The following VRK2 variants were observed in gnomAD, a reference collection of about 807,000 sequenced individuals.
The protein encoded by VRK2 is VRK serine/threonine kinase 2.
A neutral mutation model predicts 57.6 loss-of-function variants in VRK2; 60 were observed. That is an observed-to-expected ratio of 1.04 (90% CI 0.85 to 1.29). VRK2 has a LOEUF of 1.29. Among genes scored for constraint, VRK2 ranks in the 50% most tolerant of loss-of-function variants. The probability of loss-of-function intolerance (pLI) is 0.00; values close to 1 mark genes in which losing one functional copy is unlikely to be tolerated. For missense variants in VRK2, 705 were observed against 588.1 expected (o/e 1.20, Z -2.06); for synonymous variants, 231 against 199.2 (o/e 1.16, Z -1.35).
intron 2 of VRK2, chr2:58,058,454 A>C: frequency 2.1e-6 from 1 of 469,988 alleles, no homozygotes; most frequent in South Asian, 1.6e-5. Flanking sequence ...GACATGTGTG[A>C]AAGAGGCGCA....
intron 1 of VRK2, among the ~76,000 whole-genome samples, chr2:58,004,140 T>G (rs1303472514): frequency 9.9e-5 from 15 of 152,008 alleles, no homozygotes; most frequent in Non-Finnish European, 2.2e-4. Flanking sequence ...CTCTTGCTCT[T>G]TTTTCTCTTT....
At position 58,116,455 on chromosome 2, in the gene VRK2, G is replaced by A. The variant is rs568132191; in HGVS notation, c.544-6646G>A. ...GAGTGCTTAAAAGAGTATTGTCTAA[G>A]TTGGCACCAGAGTTGGGGAGTTTTA... On this transcript the variant is annotated intron_variant, in intron 7 of 12. Transcript: ENST00000340157. Among the ~76,000 whole-genome samples the A allele has an allele frequency of 1.2e-3, 175 of 152,166 alleles. 2 individuals are homozygous for A. The highest frequency in any genetic ancestry group is 3.9e-3 in the African/African-American group (160 of 41,434).
At chr2:57,974,395 A>G (rs1313867208) in intron 1 of VRK2, among the ~76,000 whole-genome samples, 4 of 152,092 alleles carry the variant, frequency 2.6e-5, no homozygotes, top group Admixed American at 2.0e-4. Flanking sequence ...ACACTTTTAA[A>G]GTATATATGG....
At chr2:58,030,358 T>A (rs1250771140) in intron 2 of VRK2, among the ~76,000 whole-genome samples, 1 of 152,090 alleles carries the variant, frequency 6.6e-6, no homozygotes, top group African/African-American at 2.4e-5. Flanking sequence ...CTGCCTAGAT[T>A]TTCTTCTAGG....
intron 7 of VRK2, among the ~76,000 whole-genome samples, chr2:58,112,012 AGG>A (rs762698849): frequency 9.9e-5 from 15 of 152,220 alleles, no homozygotes; most frequent in Admixed American, 4.6e-4. Flanking sequence ...GTATAAAAAT[AGG>A]ACCTAGACTG....
At chr2:57,958,620 T>C (rs1042561614) in intron 1 of VRK2, among the ~76,000 whole-genome samples, 1 of 152,152 alleles carries the variant, frequency 6.6e-6, no homozygotes, top group Non-Finnish European at 1.5e-5. Context: ...TTATTTGATA[T>C]TTGAGTACAT....
intron 1 of VRK2, among the ~76,000 whole-genome samples, chr2:58,013,874 A>AG (rs1553375828): frequency 6.6e-6 from 1 of 151,560 alleles, no homozygotes; most frequent in Admixed American, 6.6e-5. Context: ...AAAAAAAAAA[A>AG]AAAAAAAAGA....
At chr2:58,001,162 C>T (rs914863670) in intron 1 of VRK2, among the ~76,000 whole-genome samples, 1 of 152,086 alleles carries the variant, frequency 6.6e-6, no homozygotes, top group African/African-American at 2.4e-5. Context: ...GTAGGATAAA[C>T]CGAACTATTT....
In VRK2 at chr2:58,131,713, TTC is replaced by T; in HGVS notation, c.677-94_677-93del. The T allele has an allele frequency of 2.1e-6, 3 of 1,406,394 alleles. No homozygotes were observed. In the South Asian group the frequency reaches 4.9e-5, roughly 23 times the overall value. 87.1% of individuals were successfully genotyped at this position (1,406,394 alleles called of 1,614,324 possible). ...TAAAACATTTTGCCTATTTGGCTTT[TTC>T]ATATTTCATCAGTAGTAGTTCAACC... On this transcript the variant is annotated intron_variant, in intron 8 of 12. Transcript: ENST00000340157.
intron 1 of VRK2, among the ~76,000 whole-genome samples, chr2:57,948,733 C>A (rs1671335917): frequency 6.6e-6 from 1 of 151,820 alleles, no homozygotes; most frequent in South Asian, 2.1e-4. Context: ...AGGTGAGGAT[C>A]AAAGAGAAGT....
At chr2:58,130,766 A>G (rs1236403457) in intron 8 of VRK2, among the ~76,000 whole-genome samples, 1 of 152,222 alleles carries the variant, frequency 6.6e-6, no homozygotes, top group African/African-American at 2.4e-5. Flanking sequence ...ATCCCTACAC[A>G]GATGAACATT....
At chr2:57,977,140 G>T (rs1367354075) in intron 1 of VRK2, among the ~76,000 whole-genome samples, 1 of 152,112 alleles carries the variant, frequency 6.6e-6, no homozygotes, top group East Asian at 1.9e-4. Flanking sequence ...TTGAAGTCAG[G>T]TAGTGTGATG....
At chr2:58,050,096 A>T (rs1024212642) in intron 2 of VRK2, among the ~76,000 whole-genome samples, 2 of 152,352 alleles carry the variant, frequency 1.3e-5, no homozygotes, top group East Asian at 1.9e-4. Context: ...ACTGTTCAAT[A>T]GAAATGTAAT....
chr2:57,916,468 A>C (rs1044309228), intron 1 of VRK2, among the ~76,000 whole-genome samples: 1 of 151,810 alleles, frequency 6.6e-6, no homozygotes, highest in Non-Finnish European at 1.5e-5. Context: ...TTCAACTATA[A>C]ACAACTGCAT....
chr2:58,138,992 G>A (rs964984170), intron 10 of VRK2, among the ~76,000 whole-genome samples: 2 of 151,992 alleles, frequency 1.3e-5, no homozygotes, highest in Admixed American at 6.6e-5. Flanking sequence ...TGGGGAAAGG[G>A]GGTTTACTAT....
chr2:57,995,284 C>T (rs754547018), intron 1 of VRK2, among the ~76,000 whole-genome samples: 3 of 152,104 alleles, frequency 2.0e-5, no homozygotes, highest in Non-Finnish European at 2.9e-5. Flanking sequence ...TTATGTAGAT[C>T]CTCCATTACA....
intron 1 of VRK2, among the ~76,000 whole-genome samples, chr2:57,927,778 T>C (rs1670587727): frequency 6.6e-6 from 1 of 152,188 alleles, no homozygotes; most frequent in East Asian, 1.9e-4. Context: ...TTATTTCTTC[T>C]TTATATTTGA....
At chr2:58,020,507 G>T (rs1369270938) in intron 1 of VRK2, among the ~76,000 whole-genome samples, 2 of 152,208 alleles carry the variant, frequency 1.3e-5, no homozygotes, top group Non-Finnish European at 2.9e-5. Flanking sequence ...GCCCTGCTAA[G>T]ATATACTGTT....
At chr2:57,922,603 G>A (rs1670389446) in intron 1 of VRK2, among the ~76,000 whole-genome samples, 1 of 151,474 alleles carries the variant, frequency 6.6e-6, no homozygotes, top group East Asian at 1.9e-4. Flanking sequence ...ATTTTTTTTA[G>A]ATTTTAATTT....
Sources: gnomAD v4.1 joint callset for allele counts (sites outside exome capture counted in the v4.1 genomes callset) on GRCh38, gnomAD v4.1.1 for gene constraint, MANE v1.5 for transcripts, NCBI Gene and HGNC (gene_info 2026-07-23, HGNC 2026-07-21) for gene names.